Variants in MEIS2 observed in about 807,000 individuals in gnomAD.
The protein encoded by MEIS2 is Meis homeobox 2, also known as homeobox protein Meis2.
In MEIS2, 9 loss-of-function variants were observed where a neutral mutation model predicts 58.6. The ratio of observed to expected loss-of-function variants is 0.15; its 90% CI spans 0.09 to 0.27. The LOEUF (loss-of-function observed/expected upper bound fraction) is 0.27, where lower values mean the gene tolerates loss of function less well. Ranked by LOEUF, MEIS2 falls within the 10% of genes least tolerant of loss-of-function variation. MEIS2 has a pLI of 1.00. For missense variants in MEIS2, 427 were observed against 635.0 expected (o/e 0.67, Z 3.52); for synonymous variants, 221 against 228.4 (o/e 0.97, Z 0.29).
At chr15:37,100,578 G>GA (rs1310164503), upstream of MEIS2, 1 of 150,706 alleles carries the variant, frequency 6.6e-6, no homozygotes, top group African/African-American at 2.4e-5. Flanking sequence ...GGGGGGGTGG[G>GA]GGAGGCGGGG....
intron 8 of MEIS2, among the ~76,000 whole-genome samples, chr15:36,961,721 C>T (rs2059189689): frequency 6.6e-6 from 1 of 152,012 alleles, no homozygotes; most frequent in Non-Finnish European, 1.5e-5. Flanking sequence ...GTCTAATCAT[C>T]TCTCTACTAT....
intron 9 of MEIS2, among the ~76,000 whole-genome samples, chr15:36,934,806 A>T (rs1032718720): frequency 1.3e-5 from 2 of 152,244 alleles, no homozygotes; most frequent in East Asian, 3.9e-4. Flanking sequence ...ATTTCAATTT[A>T]GATGTTTGTA....
chr15:36,910,146 C>T (rs1050206802), intron 9 of MEIS2, among the ~76,000 whole-genome samples: 17 of 152,010 alleles, frequency 1.1e-4, no homozygotes, highest in Non-Finnish European at 2.1e-4. Context: ...GTGGAGGCTG[C>T]AGTGAGCCGA....
intron 9 of MEIS2, among the ~76,000 whole-genome samples, chr15:36,941,544 T>A (rs1222437881): frequency 6.6e-6 from 1 of 152,186 alleles, no homozygotes; most frequent in Non-Finnish European, 1.5e-5. Context: ...TAGAAAACCA[T>A]GTGCAGAGAT....
At chr15:36,924,936 T>G (rs2057682147) in intron 9 of MEIS2, among the ~76,000 whole-genome samples, 1 of 152,100 alleles carries the variant, frequency 6.6e-6, no homozygotes, top group Non-Finnish European at 1.5e-5. Flanking sequence ...CATCCTCCCT[T>G]CTGGAGTAGG....
At chr15:36,940,477 C>A (rs1826887538) in intron 9 of MEIS2, among the ~76,000 whole-genome samples, 1 of 152,064 alleles carries the variant, frequency 6.6e-6, no homozygotes, top group Admixed American at 6.5e-5. Context: ...ATTGGTATCA[C>A]TTTGTCTTTA....
At chr15:36,914,580 T>C (rs2057187026) in intron 9 of MEIS2, among the ~76,000 whole-genome samples, 1 of 152,100 alleles carries the variant, frequency 6.6e-6, no homozygotes, top group African/African-American at 2.4e-5. Flanking sequence ...TGGGGGAAAG[T>C]GACTTGATTC....
intron 8 of MEIS2, among the ~76,000 whole-genome samples, chr15:36,987,857 T>TCC (rs1464585127): frequency 2.0e-5 from 3 of 151,944 alleles, no homozygotes; most frequent in Non-Finnish European, 2.9e-5. Flanking sequence ...GACGTAACAC[T>TCC]CAGTTTCAAT....
At chr15:37,084,825 G>T (rs148193570) in intron 6 of MEIS2, among the ~76,000 whole-genome samples, 1 of 152,146 alleles carries the variant, frequency 6.6e-6, no homozygotes, top group African/African-American at 2.4e-5. Context: ...CCACATGAAG[G>T]CAGGCAAGAG....
chr15:36,951,818 T>C (rs1310581437), intron 8 of MEIS2, among the ~76,000 whole-genome samples: 7 of 152,202 alleles, frequency 4.6e-5, no homozygotes, highest in African/African-American at 1.7e-4. Flanking sequence ...CTGAAAGCTG[T>C]GTAATTACAG....
chr15:36,995,432 T>C (rs1480250290), intron 8 of MEIS2, among the ~76,000 whole-genome samples: 1 of 152,054 alleles, frequency 6.6e-6, no homozygotes, highest in Non-Finnish European at 1.5e-5. Context: ...ATTGAACATC[T>C]CTTGTTTTTA....
At chr15:36,995,940 A>G (rs1289990925) in intron 8 of MEIS2, among the ~76,000 whole-genome samples, 1 of 135,036 alleles carries the variant, frequency 7.4e-6, no homozygotes, top group African/African-American at 2.7e-5. Flanking sequence ...CTAGTTAACC[A>G]TTTCCTCTAG....
chr15:36,995,792 C>G (rs1302408507), intron 8 of MEIS2, among the ~76,000 whole-genome samples: 1 of 101,012 alleles, frequency 9.9e-6, no homozygotes, highest in Non-Finnish European at 2.3e-5. Flanking sequence ...GTAAGTAGCA[C>G]TCAGAAATGT....
In MEIS2 at chr15:37,086,710, T is replaced by C. The variant is rs573864473; in HGVS notation, c.640-2825A>G. 1.8e-4 allele frequency among the ~76,000 whole-genome samples: 27 copies of C among 152,270 alleles called. No individual in the cohort carries two copies. In the East Asian group the frequency reaches 5.0e-3, roughly 28 times the overall value. ...GACTATCACACGATAGTCATCTGAT[T>C]TGAAAGAAGGAAGAACAGATAAATC... On this transcript the variant is annotated intron_variant, in intron 6 of 11. Coordinates refer to ENST00000561208, the MANE Select transcript of MEIS2 (RefSeq NM_170675.5).
intron 8 of MEIS2, among the ~76,000 whole-genome samples, chr15:36,964,992 C>G (rs12592636): frequency 6.6e-6 from 1 of 152,106 alleles, no homozygotes; most frequent in Non-Finnish European, 1.5e-5. Flanking sequence ...TGGCTCATAT[C>G]CATTGTCTCA....
chr15:37,066,222 G>A (rs1392574580), intron 7 of MEIS2: 6 of 152,132 alleles, frequency 3.9e-5, no homozygotes, highest in Admixed American at 2.6e-4. Flanking sequence ...GGCTTATGAT[G>A]GCTCAGGCTC....
chr15:37,007,594 C>G (rs2060969213), intron 8 of MEIS2, among the ~76,000 whole-genome samples: 1 of 152,166 alleles, frequency 6.6e-6, no homozygotes, highest in Non-Finnish European at 1.5e-5. Context: ...TTGGAACTTC[C>G]TCACTATCCT....
chr15:37,053,337 C>G (rs1000301397), intron 7 of MEIS2, among the ~76,000 whole-genome samples: 1 of 152,074 alleles, frequency 6.6e-6, no homozygotes, highest in Non-Finnish European at 1.5e-5. Flanking sequence ...AATTAAAAAC[C>G]GGCTGACTCG....
intron 1 of MEIS2, 176 bp from the exon 2 acceptor site, chr15:37,098,375 A>AGGGGGG (rs1205039042): frequency 1.5e-6 from 1 of 671,190 alleles, no homozygotes; most frequent in African/African-American, 2.8e-5. Flanking sequence ...AAAGGAGGAG[A>AGGGGGG]GGGGGAGAGA....
Sources: allele counts gnomAD v4.1 joint callset (sites outside exome capture counted in the v4.1 genomes callset), GRCh38; gene constraint gnomAD v4.1.1; transcripts MANE v1.5; gene names NCBI Gene and HGNC (gene_info 2026-07-23, HGNC 2026-07-21).